The following ADAM18 variants were observed in gnomAD, a reference collection of about 807,000 sequenced individuals.
ADAM18 encodes the protein ADAM metallopeptidase domain 18.
Under a neutral mutation model 94.4 loss-of-function variants are expected in ADAM18, and 117 were observed. That is an observed-to-expected ratio of 1.24 (90% CI 1.07 to 1.45). The LOEUF is 1.45. ADAM18 is among the 40% of genes most tolerant of loss of function. The pLI, the probability that ADAM18 is intolerant of heterozygous loss-of-function variation, is 0.00. For synonymous variants in ADAM18, 327 were observed against 291.6 expected (o/e 1.12, Z -1.24); for missense variants, 936 against 880.0 (o/e 1.06, Z -0.81).
intron 2 of ADAM18, among the ~76,000 whole-genome samples, chr8:39,591,712 A>T (rs1818574224): frequency 6.6e-6 from 1 of 152,114 alleles, no homozygotes; most frequent in East Asian, 1.9e-4. Flanking sequence ...TGATATCTTA[A>T]CCTCTTTCCA....
Position 39,729,922 on chromosome 8 carries a change from C to T in ADAM18, c.2202C>T (p.Ser734=), listed in dbSNP as rs775433052. The change falls in exon 20 of 20, where the codon AGC becomes AGT. Residue 734 remains serine, a synonymous_variant. Transcript: ENST00000265707. ...GTAATTCATCCGTTGTATCAGAAAG[C>T]GATGACGTGGGACATTAATATTGCA... ...YNRNSSVVSE[S]DDVGH The T allele has an allele frequency of 2.7e-5, 43 of 1,613,112 alleles. No individual in the cohort carries two copies. In the South Asian group the frequency reaches 2.9e-4, roughly 11 times the overall value.
At chr8:39,707,026 T>C in intron 18 of ADAM18, 122 bp downstream of exon 18, 1 of 587,868 alleles carries the variant, frequency 1.7e-6, no homozygotes, top group Non-Finnish European at 3.0e-6. Context: ...TCCTTATTTG[T>C]GGGGGATACA....
intron 18 of ADAM18, among the ~76,000 whole-genome samples, chr8:39,716,347 C>T (rs897570993): frequency 6.6e-6 from 1 of 151,832 alleles, no homozygotes; most frequent in Non-Finnish European, 1.5e-5. Context: ...CACCATGAAC[C>T]TCCCTGTTAG....
chr8:39,660,474 C>T (rs573207333), intron 12 of ADAM18, among the ~76,000 whole-genome samples: 1 of 152,238 alleles, frequency 6.6e-6, no homozygotes, highest in Non-Finnish European at 1.5e-5. Context: ...ATAAAGTAGA[C>T]TTCAAGTGGA....
In ADAM18 at chr8:39,588,960, G is replaced by A. The variant is rs1201526357; in HGVS notation, c.132+3608G>A. Among the ~76,000 whole-genome samples the A allele has an allele frequency of 2.0e-5, 3 of 152,126 alleles. No individual in the cohort carries two copies. In the East Asian group the frequency reaches 5.8e-4, roughly 29 times the overall value. ...GTGTATCTTAGTAAGTCTTATCTAG[G>A]GCACGGGAAGACCAGAACATTCCTA... On this transcript the variant is annotated intron_variant, in intron 2 of 19. Transcript: ENST00000265707.
chr8:39,657,129 T>A (rs1167323051), intron 12 of ADAM18, among the ~76,000 whole-genome samples: 1 of 152,142 alleles, frequency 6.6e-6, no homozygotes, highest in African/African-American at 2.4e-5. Flanking sequence ...TGTGCTATAA[T>A]CATAAAATAA....
chr8:39,723,405 G>T (rs967751195), intron 18 of ADAM18, among the ~76,000 whole-genome samples: 2 of 151,464 alleles, frequency 1.3e-5, no homozygotes, highest in Non-Finnish European at 3.0e-5. Flanking sequence ...TTTGGCAAGC[G>T]AGTGGGATGG....
At chr8:39,712,660 C>T (rs184537007) in intron 18 of ADAM18, among the ~76,000 whole-genome samples, 98 of 151,910 alleles carry the variant, frequency 6.5e-4, no homozygotes, top group African/African-American at 2.1e-3. Context: ...ACAAACAGAG[C>T]GCCAAATCAT....
chr8:39,722,702 A>C (rs1822794343), intron 18 of ADAM18, among the ~76,000 whole-genome samples: 1 of 151,606 alleles, frequency 6.6e-6, no homozygotes. Flanking sequence ...ACATGAAAAG[A>C]TACAAGTATA....
rs192501674 is a variant in ADAM18, at chr8:39,660,322, T to A, written c.1231-3473T>A. On this transcript the variant is annotated intron_variant, in intron 12 of 19. Transcript: ENST00000265707. ...ACACAGAGTGGCTGAATGGATTTTT[T>A]AAAAAGATTAAATTATATGCTACAT... 6.0e-3 allele frequency among the ~76,000 whole-genome samples: 910 copies of A among 152,274 alleles called. 5 individuals carry two copies. The highest frequency in any genetic ancestry group is 0.021 in the African/African-American group (866 of 41,560).
At chr8:39,687,864 G>A (rs1017514384) in intron 16 of ADAM18, among the ~76,000 whole-genome samples, 11 of 152,166 alleles carry the variant, frequency 7.2e-5, no homozygotes, top group African/African-American at 2.6e-4. Flanking sequence ...TCTTTATCCA[G>A]CCCACCATTA....
intron 14 of ADAM18, among the ~76,000 whole-genome samples, chr8:39,670,141 C>T (rs1371623432): frequency 2.0e-5 from 3 of 152,100 alleles, no homozygotes; most frequent in Admixed American, 1.3e-4. Context: ...TCATATCCTT[C>T]ACCCACTTTT....
intron 18 of ADAM18, among the ~76,000 whole-genome samples, chr8:39,720,058 A>G (rs919843201): frequency 3.0e-4 from 38 of 125,066 alleles, no homozygotes; most frequent in Non-Finnish European, 6.9e-4. Flanking sequence ...AACAATGTAA[A>G]TATAAATCAA....
At chr8:39,622,933 A>G (rs1036460158) in intron 6 of ADAM18, among the ~76,000 whole-genome samples, 8 of 151,982 alleles carry the variant, frequency 5.3e-5, no homozygotes, top group African/African-American at 1.9e-4. Flanking sequence ...ACATGGATGA[A>G]TTGTATAGTG....
At chr8:39,678,130 C>T (rs1252276864) in intron 15 of ADAM18, among the ~76,000 whole-genome samples, 1 of 151,878 alleles carries the variant, frequency 6.6e-6, no homozygotes, top group Admixed American at 6.6e-5. Flanking sequence ...TAAAGAGCCA[C>T]AAAAATGTGT....
At chr8:39,673,839 T>C (rs1821223952) in intron 14 of ADAM18, among the ~76,000 whole-genome samples, 1 of 152,210 alleles carries the variant, frequency 6.6e-6, no homozygotes, top group African/African-American at 2.4e-5. Context: ...TTCTCATTGG[T>C]TTCAAAGAAC....
Position 39,637,019 on chromosome 8 carries a change from TTATATATATATATATATATATA to T in ADAM18, c.589-219_589-198del, listed in dbSNP as rs35248371. 7.4e-3 allele frequency among the ~76,000 whole-genome samples: 406 copies of T among 54,852 alleles called. 7 individuals are homozygous for T. The highest frequency in any genetic ancestry group is 0.023 in the African/African-American group (389 of 16,802). 36.0% of individuals were successfully genotyped at this position (54,852 alleles called of 152,430 possible). On this transcript the variant is annotated intron_variant, in intron 7 of 19. Coordinates refer to ENST00000265707, the MANE Select transcript of ADAM18 (RefSeq NM_014237.3). The stretch of plus-strand genomic sequence containing the variant: ...AATAATATTTCCGCATGTGTGTATT[TTATATATATATATATATATATA>T]TATATATATATATATATATATATAT...
At chr8:39,686,020 AC>A (rs1821598156) in intron 16 of ADAM18, among the ~76,000 whole-genome samples, 2 of 152,250 alleles carry the variant, frequency 1.3e-5, no homozygotes, top group South Asian at 4.1e-4. Context: ...TCTGATCACA[AC>A]CAGCTAGGTA....
intron 16 of ADAM18, among the ~76,000 whole-genome samples, chr8:39,683,598 T>G (rs1299341230): frequency 6.6e-6 from 1 of 152,230 alleles, no homozygotes; most frequent in Non-Finnish European, 1.5e-5. Flanking sequence ...TTAGCACTAC[T>G]TATTATTTAC....
Sources: allele counts gnomAD v4.1 joint callset (sites outside exome capture counted in the v4.1 genomes callset), GRCh38; gene constraint gnomAD v4.1.1; transcripts MANE v1.5; gene names NCBI Gene and HGNC (gene_info 2026-07-23, HGNC 2026-07-21).